SENP7: variants seen among roughly 807,000 people sequenced by gnomAD.
SENP7 encodes SUMO specific peptidase 7.
A neutral mutation model predicts 141.2 loss-of-function variants in SENP7; 64 were observed. The ratio of observed to expected loss-of-function variants is 0.45; its 90% CI spans 0.37 to 0.56. SENP7 has a LOEUF of 0.56. Ranked by LOEUF, SENP7 falls within the 20% of genes least tolerant of loss-of-function variation. The probability of loss-of-function intolerance (pLI) is 0.00; values close to 1 mark genes in which losing one functional copy is unlikely to be tolerated. For synonymous variants in SENP7, 382 were observed against 426.4 expected (o/e 0.90, Z 1.28); for missense variants, 1,025 against 1,212.2 (o/e 0.85, Z 2.29).
chr3:101,460,207 A>C (rs1283924287), intron 3 of SENP7, among the ~76,000 whole-genome samples: 2 of 152,186 alleles, frequency 1.3e-5, no homozygotes, highest in East Asian at 3.8e-4. Context: ...GGACAAACTG[A>C]TCTGATGATT....
chr3:101,330,456 T>C, intron 19 of SENP7, 70 bp from the exon 20 acceptor site: 1 of 1,036,706 alleles, frequency 9.6e-7, no homozygotes, highest in Non-Finnish European at 1.5e-6. Flanking sequence ...TAGAAAAGCT[T>C]AAAATTATAA....
At chr3:101,376,698 T>TG (rs1286383976) in intron 6 of SENP7, among the ~76,000 whole-genome samples, 1 of 152,044 alleles carries the variant, frequency 6.6e-6, no homozygotes, top group Non-Finnish European at 1.5e-5. Flanking sequence ...GACGAGTTAA[T>TG]GGGTGCAGCA....
chr3:101,336,677 T>C (rs1157175139), intron 17 of SENP7, among the ~76,000 whole-genome samples: 1 of 152,202 alleles, frequency 6.6e-6, no homozygotes, highest in East Asian at 1.9e-4. Flanking sequence ...AACTCAGCTT[T>C]ATCATGAGTC....
intron 3 of SENP7, among the ~76,000 whole-genome samples, chr3:101,478,780 G>C (rs1314456906): frequency 6.6e-6 from 1 of 152,020 alleles, no homozygotes; most frequent in African/African-American, 2.4e-5. Flanking sequence ...TATGAAAACA[G>C]ACACAAAATA....
intron 4 of SENP7, among the ~76,000 whole-genome samples, chr3:101,453,608 T>C (rs1004338325): frequency 1.3e-5 from 2 of 150,922 alleles, no homozygotes; most frequent in African/African-American, 2.5e-5. Flanking sequence ...CAGTAAACTA[T>C]CGCAAGGACA....
At chr3:101,372,234 T>C (rs1375993759) in intron 6 of SENP7, 108 bp from the exon 7 acceptor site, 4 of 488,954 alleles carry the variant, frequency 8.2e-6, no homozygotes, top group Non-Finnish European at 7.3e-6. Context: ...CAGTCCCACA[T>C]GGCAGACTAT....
chr3:101,350,580 CAATAG>C (rs559631020), intron 12 of SENP7, among the ~76,000 whole-genome samples: 446 of 151,762 alleles, frequency 2.9e-3, no homozygotes, highest in African/African-American at 0.01. Flanking sequence ...AAATTATATG[CAATAG>C]AAAAGTTATA....
intron 1 of SENP7, among the ~76,000 whole-genome samples, chr3:101,503,578 T>C (rs942485497): frequency 6.6e-5 from 10 of 152,242 alleles, no homozygotes; most frequent in Non-Finnish European, 1.0e-4. Flanking sequence ...GGAAACCAGA[T>C]GCAGAAGAGT....
chr3:101,511,926 T>C (rs1408178903), intron 1 of SENP7, among the ~76,000 whole-genome samples: 3 of 152,164 alleles, frequency 2.0e-5, no homozygotes, highest in African/African-American at 7.2e-5. Context: ...TTCACGCCAT[T>C]CTCCTGCCTC....
chr3:101,466,026 G>A (rs1374226639), intron 3 of SENP7, among the ~76,000 whole-genome samples: 1 of 151,816 alleles, frequency 6.6e-6, no homozygotes, highest in Non-Finnish European at 1.5e-5. Flanking sequence ...ACAAAATTAA[G>A]CAGAAGAATT....
intron 18 of SENP7, 56 bp downstream of exon 18, chr3:101,332,714 C>T: frequency 8.1e-7 from 1 of 1,229,740 alleles, no homozygotes; most frequent in Non-Finnish European, 1.1e-6. Flanking sequence ...AAAAACACTA[C>T]AAAATTTTTT....
intron 4 of SENP7, among the ~76,000 whole-genome samples, chr3:101,432,258 A>G (rs77848892): frequency 0.012 from 1,776 of 152,306 alleles, 30 homozygotes; most frequent in African/African-American, 0.041. Context: ...TTTGAGTGCC[A>G]GCTCAACCAT....
At chr3:101,341,120 TG>T (rs1305072186) in intron 15 of SENP7, among the ~76,000 whole-genome samples, 1 of 152,200 alleles carries the variant, frequency 6.6e-6, no homozygotes, top group Non-Finnish European at 1.5e-5. Flanking sequence ...GTCTTTCAAG[TG>T]TCTTTTTTCA....
intron 1 of SENP7, among the ~76,000 whole-genome samples, chr3:101,508,006 G>A (rs534896296): frequency 1.5e-4 from 19 of 129,908 alleles, no homozygotes; most frequent in African/African-American, 5.5e-4. Context: ...CTGAGATCAC[G>A]TCACTGCACT....
rs761664535 is a variant in SENP7 at position 101,351,605 on chromosome 3, AATG to A, written c.1657+10_1657+12del. The A allele has an allele frequency of 3.0e-6, 4 of 1,346,356 alleles. No individual in the cohort carries two copies. The highest frequency in any genetic ancestry group is 2.9e-5 in the Admixed American group (1 of 34,958). The allele number at this position is 1,346,356 out of a possible 1,614,324, so 83.4% of individuals were successfully genotyped here. On this transcript the variant is annotated intron_variant, in intron 12 of 23. Transcript: ENST00000394095. Reference sequence around the variant, plus strand: ...TAGTAAAAAGACAAGTTCATAAGAGAATGATAACTTACCTTGAAATGGGATCTT... The same window carrying A: ...TAGTAAAAAGACAAGTTCATAAGAGAATAACTTACCTTGAAATGGGATCTT...
rs193232415 is a variant in SENP7, at chr3:101,418,211, C to T, written c.285-421G>A. ...TATTAAAACTAAGGGTCCACTACTG[C>T]ATCACTTACATTCTTAAGGCTATAC... On this transcript the variant is annotated intron_variant, in intron 4 of 23. Coordinates refer to ENST00000394095, the MANE Select transcript of SENP7 (RefSeq NM_020654.5). Among the ~76,000 whole-genome samples, 5 of 152,134 alleles carry T rather than the reference C, an allele frequency of 3.3e-5. No individual in the cohort carries two copies. The East Asian group carries it at 7.7e-4, about 24-fold the overall frequency.
intron 6 of SENP7, among the ~76,000 whole-genome samples, chr3:101,384,728 T>C (rs576930457): frequency 6.6e-6 from 1 of 152,328 alleles, no homozygotes; most frequent in South Asian, 2.1e-4. Flanking sequence ...AAGCACAGCC[T>C]GCCAGGCCAA....
chr3:101,430,566 A>T (rs1234353877), intron 4 of SENP7, among the ~76,000 whole-genome samples: 3 of 151,082 alleles, frequency 2.0e-5, no homozygotes, highest in Non-Finnish European at 3.0e-5. Context: ...CATTTATTTG[A>T]TTCTTTGCTC....
chr3:101,477,300 C>T (rs911410093), intron 3 of SENP7, among the ~76,000 whole-genome samples: 1 of 151,842 alleles, frequency 6.6e-6, no homozygotes, highest in African/African-American at 2.4e-5. Flanking sequence ...ACTTTGGAAA[C>T]AATACAAATA....
Sources: gnomAD v4.1 joint callset for allele counts (sites outside exome capture counted in the v4.1 genomes callset) on GRCh38, gnomAD v4.1.1 for gene constraint, MANE v1.5 for transcripts, NCBI Gene and HGNC (gene_info 2026-07-23, HGNC 2026-07-21) for gene names.